NXN: variants seen among roughly 807,000 people sequenced by gnomAD.
NXN encodes nucleoredoxin.
Under a neutral mutation model 48.6 loss-of-function variants are expected in NXN, and 16 were observed. The ratio of observed to expected loss-of-function variants is 0.33; its 90% CI spans 0.22 to 0.50. The LOEUF is 0.50. NXN is among the 20% of genes least tolerant of loss of function. The probability of loss-of-function intolerance (pLI) is 0.98; values close to 1 mark genes in which losing one functional copy is unlikely to be tolerated. For missense variants in NXN, 492 were observed against 605.5 expected (o/e 0.81, Z 1.97); for synonymous variants, 281 against 269.6 (o/e 1.04, Z -0.41).
At chr17:829,188 G>A (rs558825096) in intron 1 of NXN, among the ~76,000 whole-genome samples, 5 of 149,300 alleles carry the variant, frequency 3.3e-5, no homozygotes, top group East Asian at 2.0e-4. Context: ...ACAGAGTCTC[G>A]CTCTGTTGCC....
intron 1 of NXN, among the ~76,000 whole-genome samples, chr17:901,695 T>TTTTTG (rs1413559629): frequency 1.3e-4 from 20 of 151,978 alleles, no homozygotes; most frequent in African/African-American, 4.3e-4. Flanking sequence ...GCTGTTTGTT[T>TTTTTG]TTTTGTTTTG....
At chr17:840,950 C>A (rs1170826557) in intron 1 of NXN, among the ~76,000 whole-genome samples, 3 of 152,200 alleles carry the variant, frequency 2.0e-5, no homozygotes, top group Non-Finnish European at 4.4e-5. Flanking sequence ...TTCTGGCAGC[C>A]CCCACTCCTC....
At chr17:883,085 T>A (rs1567847365) in intron 1 of NXN, among the ~76,000 whole-genome samples, 1 of 152,156 alleles carries the variant, frequency 6.6e-6, no homozygotes, top group Non-Finnish European at 1.5e-5. Flanking sequence ...CTGTGTGTAG[T>A]GGCGTGCACC....
At chr17:865,329 G>A (rs891954286) in intron 1 of NXN, among the ~76,000 whole-genome samples, 1 of 151,806 alleles carries the variant, frequency 6.6e-6, no homozygotes, top group Non-Finnish European at 1.5e-5. Context: ...CGCAACCTCT[G>A]CCTCCTGGAT....
intron 1 of NXN, among the ~76,000 whole-genome samples, chr17:942,925 T>A (rs2068995593): frequency 2.5e-5 from 1 of 39,712 alleles, no homozygotes; most frequent in South Asian, 9.4e-4. Context: ...GGTGCAGCCA[T>A]GAACTCACAT....
chr17:826,925 C>A (rs1175844862), intron 1 of NXN, among the ~76,000 whole-genome samples: 1 of 152,208 alleles, frequency 6.6e-6, no homozygotes, highest in African/African-American at 2.4e-5. Context: ...GGGCTGGAAG[C>A]CAAGCGTGGG....
intron 1 of NXN, among the ~76,000 whole-genome samples, chr17:911,411 C>T (rs2068635332): frequency 7.0e-6 from 1 of 143,156 alleles, no homozygotes; most frequent in Non-Finnish European, 1.5e-5. Flanking sequence ...GCGATCTCGG[C>T]TTGCTGCAAG....
At chr17:853,783 T>C (rs919876374) in intron 1 of NXN, among the ~76,000 whole-genome samples, 9 of 147,860 alleles carry the variant, frequency 6.1e-5, no homozygotes, top group South Asian at 2.2e-4. Context: ...AGTGCAGTGG[T>C]GCGATCTCGG....
In NXN at chr17:846,336, G is replaced by A. The variant is rs569268959; in HGVS notation, c.361-20258C>T. 3.9e-4 allele frequency among the ~76,000 whole-genome samples: 58 copies of A among 147,964 alleles called. No individual in the cohort carries two copies. In the Middle Eastern group the frequency reaches 0.014, roughly 37 times the overall value. Reference sequence around the variant, plus strand: ...GGGAGGCTGAGGCAGGGAATTGCGTGAACCCGGGAGGTGGAAGTTGCAGTG... The same window carrying A: ...GGGAGGCTGAGGCAGGGAATTGCGTAAACCCGGGAGGTGGAAGTTGCAGTG... On this transcript the variant is annotated intron_variant, in intron 1 of 7. Transcript: ENST00000336868.
chr17:879,254 GT>G (rs1308858414), intron 1 of NXN, among the ~76,000 whole-genome samples: 2 of 144,550 alleles, frequency 1.4e-5, no homozygotes, highest in African/African-American at 2.5e-5. Flanking sequence ...AGGAATCTGG[GT>G]TTTTTTTGTT....
chr17:803,921 G>C lies in NXN; in HGVS notation c.1001-115C>G, dbSNP rs1862201395. 2.3e-6 allele frequency: 3 copies of C among 1,319,768 alleles called. No homozygotes were observed. In the Admixed American group the frequency reaches 5.7e-5, roughly 25 times the overall value. 81.8% of individuals were successfully genotyped at this position (1,319,768 alleles called of 1,614,324 possible). ...AGAAACGCCCGCCTGAGCGGCCCCT[G>C]AACGGAAATGAACTTCCCCTTGGAT... On this transcript the variant is annotated intron_variant, in intron 6 of 7. Transcript: ENST00000336868.
Position 943,182 on chromosome 17 carries a change from C to T in NXN, c.360+36137G>A, listed in dbSNP as rs528152514. Among the ~76,000 whole-genome samples the T allele has an allele frequency of 1.5e-4, 23 of 152,338 alleles. No individual in the cohort carries two copies. The South Asian group carries it at 4.8e-3, about 32-fold the overall frequency. ...ATATTAATGTTAGCCCCTGCGCAGG[C>T]ATCATCATTCTCTCTCTCGACTAAA... On this transcript the variant is annotated intron_variant, in intron 1 of 7. Transcript: ENST00000336868.
At chr17:853,717 A>ATTTT (rs1380866394) in intron 1 of NXN, among the ~76,000 whole-genome samples, 1 of 92,634 alleles carries the variant, frequency 1.1e-5, no homozygotes, top group Non-Finnish European at 2.1e-5. Context: ...ATATATATAT[A>ATTTT]TATATATTTT....
intron 1 of NXN, chr17:863,740 G>T: frequency 1.7e-6 from 1 of 574,272 alleles, no homozygotes; most frequent in Non-Finnish European, 3.1e-6. Flanking sequence ...TGGGATTACA[G>T]GTGTGAGCCT....
intron 1 of NXN, among the ~76,000 whole-genome samples, chr17:893,129 G>A (rs1342306920): frequency 1.3e-5 from 2 of 152,258 alleles, no homozygotes; most frequent in African/African-American, 2.4e-5. Flanking sequence ...TGGCAGATGC[G>A]GATGGGAGAA....
chr17:950,843 A>G (rs1347812384), intron 1 of NXN, among the ~76,000 whole-genome samples: 1 of 151,992 alleles, frequency 6.6e-6, no homozygotes, highest in East Asian at 1.9e-4. Context: ...TGTTTGGCAC[A>G]AAGAAGACCA....
intron 1 of NXN, among the ~76,000 whole-genome samples, chr17:918,620 C>A (rs2068714213): frequency 6.6e-6 from 1 of 151,602 alleles, no homozygotes; most frequent in African/African-American, 2.4e-5. Flanking sequence ...CGATGAAAAC[C>A]TGTCTCTACT....
chr17:958,651 G>A lies in NXN; in HGVS notation c.360+20668C>T, dbSNP rs2457275. 0.83 allele frequency among the ~76,000 whole-genome samples: 126,413 copies of A among 152,034 alleles called. 55,541 individuals are homozygous for A. The highest frequency in any genetic ancestry group is 0.96 in the Non-Finnish European group (65,377 of 67,986). On this transcript the variant is annotated intron_variant, in intron 1 of 7. Transcript: ENST00000336868. This position sits in a 1 kb window ranked among gnomAD's most constrained non-coding sequence, Gnocchi z 6.9. ...CCAGGCGTGGTGGCGTGCGCCTGTA[G>A]TCCCAGCTACTCAGGAGGCTGAGGC...
chr17:963,032 G>T (rs1597281188), intron 1 of NXN, among the ~76,000 whole-genome samples: 2 of 152,104 alleles, frequency 1.3e-5, no homozygotes, highest in South Asian at 4.1e-4. Context: ...GTCTCTAACT[G>T]TGTTGGGTTC....
Sources: gnomAD v4.1 joint callset for allele counts (sites outside exome capture counted in the v4.1 genomes callset) on GRCh38, gnomAD v4.1.1 for gene constraint, Gnocchi (gnomAD v3.1) non-coding constraint, MANE v1.5 for transcripts, NCBI Gene and HGNC (gene_info 2026-07-23, HGNC 2026-07-21) for gene names.